GLMN: variants seen among roughly 807,000 people sequenced by gnomAD.
The protein encoded by GLMN is glomulin.
GLMN carries 75 observed loss-of-function variants against 87.8 expected under a neutral mutation model. The ratio of observed to expected loss-of-function variants is 0.85; its 90% confidence interval spans 0.71 to 1.04. The LOEUF is 1.04. GLMN is among the 50% of genes least tolerant of loss of function. The pLI is 0.00. For synonymous variants in GLMN, 206 were observed against 221.6 expected (o/e 0.93, Z 0.63); for missense variants, 588 against 658.8 (o/e 0.89, Z 1.18).
the GLMN span, among the ~76,000 whole-genome samples, chr1:92,306,849 A>G: frequency 1.3e-5 from 2 of 152,224 alleles, no homozygotes; most frequent in Non-Finnish European, 2.9e-5. Context: ...AGAATGTATA[A>G]CAATATTATT....
chr1:92,351,305 CAAAAAAAAA>C, the GLMN span, among the ~76,000 whole-genome samples: 3 of 86,840 alleles, frequency 3.5e-5, no homozygotes, highest in African/African-American at 4.2e-5. Flanking sequence ...GACTCTGTCT[CAAAAAAAAA>C]AAAAAAAAAA....
In GLMN at chr1:92,284,417, T is replaced by A. The variant is rs540341225; in HGVS notation, c.735+2073A>T. 5.3e-5 allele frequency among the ~76,000 whole-genome samples: 8 copies of A among 152,260 alleles called. No homozygotes were observed. In the East Asian group the frequency reaches 1.4e-3, roughly 26 times the overall value. ...TGGTGCTGGGAAAACTGGCTAGCCA[T>A]ATGTAGAAAGCTGAAACTGGATCCC... On this transcript the variant is annotated intron_variant, in intron 7 of 18. Coordinates refer to ENST00000370360, the MANE Select transcript of GLMN (RefSeq NM_053274.3).
chr1:92,312,564 G>C, the GLMN span, among the ~76,000 whole-genome samples: 6 of 152,144 alleles, frequency 3.9e-5, no homozygotes, highest in African/African-American at 1.4e-4. Context: ...CAAGAAACCA[G>C]TTTCTTTGCC....
chr1:92,303,028 G>A (rs1190650620), upstream of GLMN, among the ~76,000 whole-genome samples: 1 of 152,114 alleles, frequency 6.6e-6, no homozygotes, highest in Non-Finnish European at 1.5e-5. Context: ...GCGAGACCCT[G>A]TCTAAATAAA....
chr1:92,283,661 G>A (rs1276373473), intron 7 of GLMN, among the ~76,000 whole-genome samples: 1 of 152,162 alleles, frequency 6.6e-6, no homozygotes, highest in Non-Finnish European at 1.5e-5. Context: ...ATTTGATTAG[G>A]AAAAGAGGAA....
At chr1:92,323,805 A>T in the GLMN span, 1 of 1,614,122 alleles carries the variant, frequency 6.2e-7, no homozygotes, top group Non-Finnish European at 8.5e-7. Flanking sequence ...TACAGAAAGT[A>T]AATACTCAGA....
chr1:92,256,100 C>T (rs1406780027), intron 16 of GLMN, among the ~76,000 whole-genome samples: 1 of 151,988 alleles, frequency 6.6e-6, no homozygotes, highest in Admixed American at 6.6e-5. Flanking sequence ...TACAAACTAC[C>T]ATCAGAGAAT....
the GLMN span, among the ~76,000 whole-genome samples, chr1:92,366,503 G>A: frequency 3.3e-5 from 5 of 152,146 alleles, no homozygotes; most frequent in African/African-American, 4.8e-5. Context: ...TGACAGGTTC[G>A]TTCTCTATGC....
At chr1:92,290,639 T>TA (rs1649297858) in intron 4 of GLMN, among the ~76,000 whole-genome samples, 1 of 152,248 alleles carries the variant, frequency 6.6e-6, no homozygotes, top group African/African-American at 2.4e-5. Context: ...CAAGCCTATT[T>TA]AGACTAGTCT....
chr1:92,352,898 T>G, the GLMN span, among the ~76,000 whole-genome samples: 11 of 152,194 alleles, frequency 7.2e-5, no homozygotes, highest in African/African-American at 2.7e-4. Context: ...ATCCATTCTC[T>G]TATCTTGACA....
intron 7 of GLMN, among the ~76,000 whole-genome samples, chr1:92,279,041 C>A (rs1358781303): frequency 6.6e-6 from 1 of 152,152 alleles, no homozygotes; most frequent in Non-Finnish European, 1.5e-5. Flanking sequence ...ACATCTGTCA[C>A]CCACACCAGG....
intron 7 of GLMN, among the ~76,000 whole-genome samples, chr1:92,278,794 T>C (rs942871938): frequency 6.6e-6 from 1 of 152,190 alleles, no homozygotes; most frequent in African/African-American, 2.4e-5. Flanking sequence ...TCCAACATTA[T>C]AATTCTGTGT....
chr1:92,329,103 T>C, the GLMN span, among the ~76,000 whole-genome samples: 1 of 152,092 alleles, frequency 6.6e-6, no homozygotes, highest in African/African-American at 2.4e-5. Context: ...GCTGGTTTTG[T>C]GTTGGTTGGC....
At chr1:92,358,590 TA>T in the GLMN span, among the ~76,000 whole-genome samples, 1 of 152,206 alleles carries the variant, frequency 6.6e-6, no homozygotes, top group Admixed American at 6.5e-5. Flanking sequence ...GGCTCATCTT[TA>T]TTTTTTTTCC....
chr1:92,361,598 G>A, the GLMN span, among the ~76,000 whole-genome samples: 1 of 152,138 alleles, frequency 6.6e-6, no homozygotes, highest in African/African-American at 2.4e-5. Flanking sequence ...TGTGAATACA[G>A]TCTGATAAAG....
chr1:92,299,059 A>G (rs1385948696), upstream of GLMN: 11 of 1,454,028 alleles, frequency 7.6e-6, no homozygotes, highest in South Asian at 1.2e-4. Context: ...CCCGTCCGGC[A>G]GACTACTCTC....
the GLMN span, among the ~76,000 whole-genome samples, chr1:92,353,436 T>G: frequency 2.0e-5 from 3 of 152,212 alleles, no homozygotes; most frequent in African/African-American, 4.8e-5. Context: ...CTCATTGATT[T>G]TAGGTTTTCA....
intron 16 of GLMN, among the ~76,000 whole-genome samples, chr1:92,249,190 A>G (rs1422558936): frequency 6.6e-6 from 1 of 152,064 alleles, no homozygotes; most frequent in Non-Finnish European, 1.5e-5. Context: ...TAAAAAAGAA[A>G]AAATGTACAG....
At chr1:92,249,265 T>C (rs1214280300) in intron 16 of GLMN, among the ~76,000 whole-genome samples, 1 of 146,596 alleles carries the variant, frequency 6.8e-6, no homozygotes, top group Non-Finnish European at 1.5e-5. Flanking sequence ...TTGATTACTA[T>C]TCTTTTTTTT....
Sources: gnomAD v4.1 joint callset for allele counts (sites outside exome capture counted in the v4.1 genomes callset) on GRCh38, gnomAD v4.1.1 for gene constraint, MANE v1.5 for transcripts, NCBI Gene and HGNC (gene_info 2026-07-23, HGNC 2026-07-21) for gene names.